Variants in NLN observed in about 807,000 individuals in gnomAD.
NLN encodes neurolysin, mitochondrial.
Under a neutral mutation model 79.9 loss-of-function variants are expected in NLN, and 64 were observed. That is an observed-to-expected ratio of 0.80 (90% CI 0.65 to 0.99). The LOEUF is 0.99. NLN is among the 50% of genes least tolerant of loss of function. The pLI, the probability that NLN is intolerant of heterozygous loss-of-function variation, is 0.00. For missense variants in NLN, 835 were observed against 858.7 expected, an observed-to-expected ratio of 0.97 and a Z score of 0.34; for synonymous variants, 267 against 296.6, an observed-to-expected ratio of 0.90 and a Z score of 1.02.
At chr5:65,731,309 G>T (rs1382070338) in intron 1 of NLN, among the ~76,000 whole-genome samples, 4 of 152,228 alleles carry the variant, frequency 2.6e-5, no homozygotes, top group African/African-American at 7.2e-5. Flanking sequence ...GATTCAAGAA[G>T]TGGGGAAACA....
intron 1 of NLN, among the ~76,000 whole-genome samples, chr5:65,723,683 C>T (rs1233016402): frequency 3.0e-4 from 44 of 147,878 alleles, no homozygotes; most frequent in Admixed American, 4.7e-4. Context: ...GGCGTGGTGG[C>T]GGGCGCCTGT....
chr5:65,788,691 G>T (rs965232492), intron 8 of NLN, among the ~76,000 whole-genome samples: 2 of 152,048 alleles, frequency 1.3e-5, no homozygotes, highest in Non-Finnish European at 2.9e-5. Context: ...TAAAAATTAG[G>T]TCAAGTGTGG....
At chr5:65,758,542 T>C (rs752814956) in intron 1 of NLN, 25 bp from the exon 2 acceptor site, 57 of 1,564,434 alleles carry the variant, frequency 3.6e-5, no homozygotes, top group Non-Finnish European at 4.7e-5. Context: ...TCCCTAATTC[T>C]TATTCTTTTT....
intron 3 of NLN, among the ~76,000 whole-genome samples, chr5:65,765,294 G>T (rs1306672989): frequency 6.6e-6 from 1 of 152,180 alleles, no homozygotes; most frequent in Non-Finnish European, 1.5e-5. Context: ...AAGGCGGGTG[G>T]ATCACGGGAG....
chr5:65,809,593 G>T lies in NLN; in HGVS notation c.1606G>T (p.Val536Leu). The change falls in exon 10 of 13, where the codon GTG (valine) becomes TTG (leucine). Residue 536 changes from valine to leucine, a missense_variant. Transcript: ENST00000380985. ...EVPSQMLENW[V>L]WDVDSLRRLS... Reference sequence around the variant, plus strand: ...GCCATCGCAAATGCTTGAAAATTGGGTGTGGGACGTCGATTCCCTCCGAAG... The same window carrying T: ...GCCATCGCAAATGCTTGAAAATTGGTTGTGGGACGTCGATTCCCTCCGAAG... The T allele has an allele frequency of 1.2e-6, 2 of 1,613,928 alleles. No individual in the cohort carries two copies. The highest frequency in any genetic ancestry group is 1.7e-6 in the Non-Finnish European group (2 of 1,179,940).
At chr5:65,740,503 A>G (rs1394973607) in intron 1 of NLN, among the ~76,000 whole-genome samples, 4 of 152,186 alleles carry the variant, frequency 2.6e-5, no homozygotes, top group Non-Finnish European at 2.9e-5. Context: ...GGGAACAAGC[A>G]TTCAAACCAT....
intron 8 of NLN, among the ~76,000 whole-genome samples, chr5:65,789,705 G>A (rs754464953): frequency 2.4e-4 from 36 of 152,172 alleles, no homozygotes; most frequent in Non-Finnish European, 3.7e-4. Context: ...CTGAGATCAC[G>A]CCACTATACT....
rs139476308 is a variant in NLN, at chr5:65,806,294, A to G, written c.1528-3221A>G. ...TTTCATAAGACTACAGCTGCCATATATAGTAATTTCTCTGAGGGATCTTGG... is the reference window on the plus strand; with the variant it reads ...TTTCATAAGACTACAGCTGCCATATGTAGTAATTTCTCTGAGGGATCTTGG... On this transcript the variant is annotated intron_variant, in intron 9 of 12. Transcript: ENST00000380985. Among the ~76,000 whole-genome samples the G allele has an allele frequency of 5.8e-3, 883 of 152,350 alleles. 6 individuals are homozygous for G. Among genetic ancestry groups the G allele is most frequent in the African/African-American group, 0.02 (845 of 41,582 alleles).
chr5:65,822,851 A>G lies in NLN; in HGVS notation c.2051A>G (p.Asn684Ser), dbSNP rs1190079932. The change falls in exon 13 of 13, where the codon AAT becomes AGT. Residue 684 changes from asparagine (N) to serine (S), a missense_variant. Coordinates refer to ENST00000380985, the MANE Select transcript of NLN (RefSeq NM_020726.5). The stretch of plus-strand genomic sequence containing the variant: ...CTGGACGGCATGGACATGCTCCACA[A>G]TTTCTTGAAACGTGAGCCAAACCAA... ...GSLDGMDMLH[N>S]FLKREPNQKA... 1.9e-6 allele frequency: 3 copies of G among 1,612,364 alleles called. No homozygotes were observed. Among genetic ancestry groups the G allele is most frequent in the Admixed American group, 1.7e-5 (1 of 59,988 alleles).
At chr5:65,794,734 A>T (rs1760135980) in intron 9 of NLN, among the ~76,000 whole-genome samples, 1 of 152,200 alleles carries the variant, frequency 6.6e-6, no homozygotes, top group South Asian at 2.1e-4. Context: ...GATATGGAAC[A>T]GTCTTTTTGT....
intron 7 of NLN, 81 bp from the exon 8 acceptor site, chr5:65,788,037 C>T (rs1255301871): frequency 2.2e-6 from 3 of 1,375,732 alleles, no homozygotes; most frequent in South Asian, 2.7e-5. Flanking sequence ...GAGGAAGCAC[C>T]ATGCTAAAAC....
At chr5:65,754,954 G>T (rs1218324447) in intron 1 of NLN, among the ~76,000 whole-genome samples, 1 of 152,110 alleles carries the variant, frequency 6.6e-6, no homozygotes, top group Admixed American at 6.6e-5. Context: ...GTTCATGTAG[G>T]CAATTTATCC....
At position 65,726,248 on chromosome 5, in the gene NLN, G is replaced by A. The variant is rs541552324; in HGVS notation, c.41+3834G>A. ...TTATACTCAGGTACACAGCAGAAATGCTTTGTGTGTACTTGGTCACATATA... is the reference window on the plus strand; with the variant it reads ...TTATACTCAGGTACACAGCAGAAATACTTTGTGTGTACTTGGTCACATATA... On this transcript the variant is annotated intron_variant, in intron 1 of 12. Transcript: ENST00000380985. Among the ~76,000 whole-genome samples the A allele has an allele frequency of 2.0e-5, 3 of 152,294 alleles. No homozygotes were observed. The South Asian group carries it at 6.2e-4, about 32-fold the overall frequency.
intron 12 of NLN, among the ~76,000 whole-genome samples, chr5:65,816,872 A>T (rs1234287488): frequency 6.6e-6 from 1 of 152,138 alleles, no homozygotes; most frequent in Non-Finnish European, 1.5e-5. Flanking sequence ...AGGTAGCGGG[A>T]TGGCCCTTCA....
At chr5:65,819,122 G>A (rs1760736553) in intron 12 of NLN, 1 of 152,118 alleles carries the variant, frequency 6.6e-6, no homozygotes, top group Admixed American at 6.6e-5. Flanking sequence ...AGAAAATGAA[G>A]TTCCTTATGC....
intron 10 of NLN, 83 bp from the exon 11 acceptor site, chr5:65,809,954 T>A (rs959185516): frequency 2.7e-6 from 4 of 1,479,476 alleles, no homozygotes; most frequent in Non-Finnish European, 3.7e-6. Flanking sequence ...CTGGAATCTG[T>A]TTTTGGAATC....
At chr5:65,807,802 A>G (rs1760450557) in intron 9 of NLN, among the ~76,000 whole-genome samples, 1 of 152,206 alleles carries the variant, frequency 6.6e-6, no homozygotes, top group South Asian at 2.1e-4. Flanking sequence ...ATGTAAATTT[A>G]TAGACTTTCA....
intron 1 of NLN, among the ~76,000 whole-genome samples, chr5:65,727,176 G>C (rs1434377849): frequency 6.6e-6 from 1 of 152,114 alleles, no homozygotes; most frequent in Non-Finnish European, 1.5e-5. Flanking sequence ...ATGTATGTAT[G>C]TATTTTAGAG....
chr5:65,797,474 C>T (rs1434611526), intron 9 of NLN, among the ~76,000 whole-genome samples: 1 of 152,210 alleles, frequency 6.6e-6, no homozygotes, highest in Non-Finnish European at 1.5e-5. Flanking sequence ...GTCAGGAAGG[C>T]ACCCTGGTGT....
Sources: allele counts gnomAD v4.1 joint callset (sites outside exome capture counted in the v4.1 genomes callset), GRCh38; gene constraint gnomAD v4.1.1; transcripts MANE v1.5; gene names NCBI Gene and HGNC (gene_info 2026-07-23, HGNC 2026-07-21).